Variants in ZMYM6 observed in about 807,000 individuals in gnomAD.
ZMYM6 encodes the protein zinc finger MYM-type protein 6.
In ZMYM6, 90 loss-of-function variants were observed where a neutral mutation model predicts 134.0. The observed-to-expected ratio is 0.67, with a 90% CI of 0.57 to 0.80. The LOEUF (loss-of-function observed/expected upper bound fraction) is 0.80, where lower values mean the gene tolerates loss of function less well. Among genes scored for constraint, ZMYM6 ranks in the 30% least tolerant of loss-of-function variants. ZMYM6 has a pLI of 0.00. For synonymous variants in ZMYM6, 481 were observed against 524.1 expected, an observed-to-expected ratio of 0.92 and a Z score of 1.12; for missense variants, 1,362 against 1,533.9, an observed-to-expected ratio of 0.89 and a Z score of 1.87.
At chr1:35,017,051 G>A (rs937531293) in intron 4 of ZMYM6, among the ~76,000 whole-genome samples, 4 of 151,728 alleles carry the variant, frequency 2.6e-5, no homozygotes, top group East Asian at 3.9e-4. Flanking sequence ...AAGTATTACT[G>A]TAACTGCCAC....
chr1:35,005,052 G>A, intron 13 of ZMYM6, 80 bp downstream of exon 13: 1 of 1,512,556 alleles, frequency 6.6e-7, no homozygotes, highest in South Asian at 1.2e-5. Flanking sequence ...GAGTGAAACT[G>A]TCTCAAAAAG....
At chr1:35,030,493 C>G (rs1241107614) in intron 2 of ZMYM6, 54 bp downstream of exon 2, 6 of 1,543,462 alleles carry the variant, frequency 3.9e-6, no homozygotes, top group Non-Finnish European at 5.2e-6. Context: ...TTCAGTTGAC[C>G]AGATGGAAAA....
chr1:35,005,770 G>C (rs997027798), intron 12 of ZMYM6, among the ~76,000 whole-genome samples: 1 of 152,144 alleles, frequency 6.6e-6, no homozygotes, highest in Non-Finnish European at 1.5e-5. Context: ...AAGTTAATGA[G>C]GGAGCTGTCC....
Position 34,987,594 on chromosome 1 carries a change from T to C in ZMYM6, c.3488A>G (p.Tyr1163Cys). 1 of 1,613,252 alleles carries C rather than the reference T, an allele frequency of 6.2e-7. No homozygotes were observed. Among genetic ancestry groups the C allele is most frequent in the African/African-American group, 1.3e-5 (1 of 75,024 alleles). Residue 1163 changes from tyrosine (Y) to cysteine (C), a missense_variant, in exon 16 of 16, where the codon TAT becomes TGT. This residue lies in a region of ZMYM6 where 824 missense variants were observed against 940.9 expected (regional missense o/e 0.88). Coordinates refer to ENST00000357182, the MANE Select transcript of ZMYM6 (RefSeq NM_007167.4). The part of the protein sequence containing the change: ...MWLKRTQEND[Y>C]DMFPSFSEFS... ...TTCAGAAAATGAAGGGAACATGTCA[T>C]AATCATTCTCTTGTGTGCGCTTCAA...
chr1:34,997,125 C>T lies in ZMYM6; in HGVS notation c.1993-4738G>A, dbSNP rs544587545. 3.7e-4 allele frequency among the ~76,000 whole-genome samples: 56 copies of T among 152,288 alleles called. No homozygotes were observed. In the South Asian group the frequency reaches 0.012, roughly 32 times the overall value. On this transcript the variant is annotated intron_variant, in intron 14 of 15. Coordinates refer to ENST00000357182, the MANE Select transcript of ZMYM6 (RefSeq NM_007167.4). Reference sequence around the variant, plus strand: ...GCAGCACTTTTATCAATTTACACTCCTACTGGCAATAAGAATACCTTAGCA... The same window carrying T: ...GCAGCACTTTTATCAATTTACACTCTTACTGGCAATAAGAATACCTTAGCA...
rs527555617 is a variant in ZMYM6 at position 35,022,738 on chromosome 1, T to C, written c.94-2271A>G. Among the ~76,000 whole-genome samples, 8 of 151,534 alleles carry C rather than the reference T, an allele frequency of 5.3e-5. No individual in the cohort carries two copies. The South Asian group carries it at 1.7e-3, about 31-fold the overall frequency. Reference sequence around the variant, plus strand: ...CATAGTAAATCATTTCATTGCTTATTTGGATAATTTGATTAATGCTTAACA... The same window carrying C: ...CATAGTAAATCATTTCATTGCTTATCTGGATAATTTGATTAATGCTTAACA... On this transcript the variant is annotated intron_variant, in intron 2 of 15. Transcript: ENST00000357182.
chr1:35,023,623 ATT>A (rs1283993901), intron 2 of ZMYM6, among the ~76,000 whole-genome samples: 20 of 143,014 alleles, frequency 1.4e-4, no homozygotes, highest in Non-Finnish European at 1.5e-4. Context: ...ATTCAATAAA[ATT>A]TTTTTTTTTT....
intron 14 of ZMYM6, among the ~76,000 whole-genome samples, chr1:34,993,002 A>T (rs1012462056): frequency 6.7e-6 from 1 of 150,140 alleles, no homozygotes; most frequent in African/African-American, 2.4e-5. Flanking sequence ...CCAACCTCAG[A>T]CCATACACAA....
At chr1:35,014,594 G>T in intron 6 of ZMYM6, 103 bp downstream of exon 6, 1 of 1,118,280 alleles carries the variant, frequency 8.9e-7, no homozygotes, top group Non-Finnish European at 1.3e-6. Context: ...CACATATCAG[G>T]ATGGACTAAT....
In ZMYM6 at chr1:35,030,557, T is replaced by C; in HGVS notation, c.83A>G (p.Asp28Gly). ...ELLDKIKEEPDNAQEYGCVQQ... is the reference protein window; with the variant it reads ...ELLDKIKEEPGNAQEYGCVQQ... ...AGATGAAATGCTTACTTGAGCATTGTCTGGTTCTTCTTTAATTTTGTCCAG... is the reference window on the plus strand; with the variant it reads ...AGATGAAATGCTTACTTGAGCATTGCCTGGTTCTTCTTTAATTTTGTCCAG... Residue 28 changes from aspartate to glycine, a missense_variant, in exon 2 of 16, where the codon GAC becomes GGC. Asp to Gly is a moderately conservative substitution (Grantham distance 94, BLOSUM62 -1). Coordinates refer to ENST00000357182, the MANE Select transcript of ZMYM6 (RefSeq NM_007167.4). 1 of 1,612,208 alleles carries C rather than the reference T, an allele frequency of 6.2e-7. No homozygotes were observed. Among genetic ancestry groups the C allele is most frequent in the South Asian group, 1.1e-5 (1 of 90,790 alleles).
intron 2 of ZMYM6, chr1:35,030,130 T>C (rs970110748): frequency 7.0e-5 from 11 of 157,994 alleles, no homozygotes; most frequent in Non-Finnish European, 1.2e-4. Context: ...ATAGCTTTCA[T>C]TCAAAGAGCA....
At chr1:35,011,491 G>A (rs1256181314) in intron 8 of ZMYM6, among the ~76,000 whole-genome samples, 1 of 152,214 alleles carries the variant, frequency 6.6e-6, no homozygotes, top group South Asian at 2.1e-4. Flanking sequence ...AATGGGACAA[G>A]TGGATGCTTA....
At position 35,014,815 on chromosome 1, in the gene ZMYM6, G is replaced by C. The variant is rs2148455252; in HGVS notation, c.677C>G (p.Ser226Cys). ...ACAGTTCATGGTGAGGTTGTTTGTA[G>C]AGTGAAATTTTGAAAAACAGGCATC... Reference protein sequence around the residue: ...CSDACFSKFHSTNNLTMNCCE... With the variant: ...CSDACFSKFHCTNNLTMNCCE... Residue 226 changes from serine to cysteine, a missense_variant, in exon 6 of 16, where the codon TCT (serine) becomes TGT (cysteine). Physicochemically the swap from Ser to Cys is moderately radical, Grantham distance 112. Transcript: ENST00000357182. 1 of 1,614,172 alleles carries C rather than the reference G, an allele frequency of 6.2e-7. No homozygotes were observed. Among genetic ancestry groups the C allele is most frequent in the South Asian group, 1.1e-5 (1 of 91,084 alleles).
chr1:35,010,322 C>G (rs1306245556), intron 10 of ZMYM6, 125 bp downstream of exon 10: 1 of 1,317,788 alleles, frequency 7.6e-7, no homozygotes, highest in Non-Finnish European at 1.0e-6. Flanking sequence ...TGCCCGGCCT[C>G]CAAAATACTT....
intron 14 of ZMYM6, among the ~76,000 whole-genome samples, chr1:34,998,501 T>C (rs1640825643): frequency 6.6e-6 from 1 of 152,148 alleles, no homozygotes; most frequent in Non-Finnish European, 1.5e-5. Context: ...TAAAAGATCA[T>C]TCTGGTAACA....
chr1:35,014,621 C>T, intron 6 of ZMYM6, 76 bp downstream of exon 6: 1 of 1,415,818 alleles, frequency 7.1e-7, no homozygotes, highest in Admixed American at 2.1e-5. Flanking sequence ...AGCTCACTCT[C>T]ATTTTGTAGT....
chr1:34,991,778 A>C (rs983012346), intron 15 of ZMYM6, among the ~76,000 whole-genome samples: 6 of 152,046 alleles, frequency 3.9e-5, no homozygotes, highest in Non-Finnish European at 8.8e-5. Context: ...CTCAAAAAAA[A>C]CAAACAAACA....
At chr1:34,992,416 G>C (rs1290326232) in intron 14 of ZMYM6, 29 bp from the exon 15 acceptor site, 1 of 1,603,684 alleles carries the variant, frequency 6.2e-7, no homozygotes, top group Admixed American at 1.8e-5. Context: ...AGAAACCAAA[G>C]AAAGATTTTT....
In ZMYM6 at chr1:35,000,826, A is replaced by T. The variant is rs1238578761; in HGVS notation, c.1992+3142T>A. 2.6e-5 allele frequency among the ~76,000 whole-genome samples: 4 copies of T among 152,302 alleles called. No individual in the cohort carries two copies. In the East Asian group the frequency reaches 7.7e-4, roughly 29 times the overall value. On this transcript the variant is annotated intron_variant, in intron 14 of 15. Coordinates refer to ENST00000357182, the MANE Select transcript of ZMYM6 (RefSeq NM_007167.4). ...AACTGGTAGTAGTGGTTAATTTTTT[A>T]AAAAAGAAGAAAAAGGTAGGGGAAA...
Sources: gnomAD v4.1 joint callset for allele counts (sites outside exome capture counted in the v4.1 genomes callset) on GRCh38, gnomAD v4.1.1 for gene constraint, gnomAD v4.1.1 regional missense constraint, MANE v1.5 for transcripts, NCBI Gene and HGNC (gene_info 2026-07-23, HGNC 2026-07-21) for gene names.